Variants in SDHAF3 observed in about 807,000 individuals in gnomAD.
SDHAF3 encodes succinate dehydrogenase complex assembly factor 3.
SDHAF3 carries 18 observed loss-of-function variants against 11.5 expected under a neutral mutation model. The observed-to-expected ratio is 1.56, with a 90% CI of 1.08 to 2.32. The LOEUF (loss-of-function observed/expected upper bound fraction) is 2.32. Among genes scored for constraint, SDHAF3 ranks in the 30% most tolerant of loss-of-function variants. SDHAF3 has a pLI of 0.00. For synonymous variants in SDHAF3, 72 were observed against 59.3 expected, an observed-to-expected ratio of 1.21 and a Z score of -0.99; for missense variants, 200 against 154.4, an observed-to-expected ratio of 1.30 and a Z score of -1.57.
intron 1 of SDHAF3, among the ~76,000 whole-genome samples, chr7:97,164,953 C>G (rs904396171): frequency 2.0e-5 from 3 of 152,082 alleles, no homozygotes; most frequent in Non-Finnish European, 4.4e-5. Flanking sequence ...AATAATGTGT[C>G]ATGGCTGTGA....
intron 1 of SDHAF3, among the ~76,000 whole-genome samples, chr7:97,139,444 G>A (rs1461153080): frequency 1.3e-5 from 2 of 152,170 alleles, no homozygotes; most frequent in Non-Finnish European, 2.9e-5. Context: ...TCAAAAGTAG[G>A]CATGACAGTG....
chr7:97,148,021 A>T (rs1236345868), intron 1 of SDHAF3, among the ~76,000 whole-genome samples: 1 of 151,992 alleles, frequency 6.6e-6, no homozygotes. Flanking sequence ...CTCATACCTC[A>T]GCCTCCCAAG....
chr7:97,156,973 TCCCCCAGC>T (rs1166284821), intron 1 of SDHAF3, among the ~76,000 whole-genome samples: 1 of 152,012 alleles, frequency 6.6e-6, no homozygotes, highest in Non-Finnish European at 1.5e-5. Context: ...CCTCCCCCAG[TCCCCCAGC>T]CCCTGACAGG....
At chr7:97,180,617 T>C (rs1789754217) in intron 1 of SDHAF3, among the ~76,000 whole-genome samples, 1 of 152,130 alleles carries the variant, frequency 6.6e-6, no homozygotes, top group Admixed American at 6.5e-5. Context: ...AAAATAAAAG[T>C]TGGGGGAAAA....
intron 1 of SDHAF3, among the ~76,000 whole-genome samples, chr7:97,158,118 C>T (rs1478142248): frequency 9.8e-6 from 1 of 101,686 alleles, no homozygotes; most frequent in African/African-American, 2.9e-5. Flanking sequence ...CACAGGTTAA[C>T]TTAAAGTATA....
At chr7:97,137,016 ATTTTG>A (rs1328967255) in intron 1 of SDHAF3, among the ~76,000 whole-genome samples, 2 of 151,926 alleles carry the variant, frequency 1.3e-5, no homozygotes, top group East Asian at 1.9e-4. Context: ...AGGGTTTTGT[ATTTTG>A]TTTTGTTTTG....
At chr7:97,145,727 C>T (rs1056780941) in intron 1 of SDHAF3, among the ~76,000 whole-genome samples, 3 of 152,150 alleles carry the variant, frequency 2.0e-5, no homozygotes, top group East Asian at 1.9e-4. Flanking sequence ...CTTCCTTTCC[C>T]TGTCGCTGTC....
chr7:97,142,042 CTTTT>C (rs71131003), intron 1 of SDHAF3, among the ~76,000 whole-genome samples: 170 of 61,642 alleles, frequency 2.8e-3, no homozygotes, highest in East Asian at 0.011. Flanking sequence ...GAATTGTTGT[CTTTT>C]TTTTTTTTTT....
intron 1 of SDHAF3, among the ~76,000 whole-genome samples, chr7:97,170,561 TAG>T (rs2115738185): frequency 6.6e-6 from 1 of 152,316 alleles, no homozygotes; most frequent in African/African-American, 2.4e-5. Flanking sequence ...ATCATGGACA[TAG>T]AGTTTATAGT....
intron 1 of SDHAF3, among the ~76,000 whole-genome samples, chr7:97,157,524 G>A (rs1019503646): frequency 5.3e-5 from 8 of 152,190 alleles, no homozygotes; most frequent in Non-Finnish European, 1.2e-4. Flanking sequence ...TGGTGGGACT[G>A]TAAACTAGTT....
chr7:97,137,307 G>A (rs1408728416), intron 1 of SDHAF3, among the ~76,000 whole-genome samples: 1 of 152,150 alleles, frequency 6.6e-6, no homozygotes, highest in African/African-American at 2.4e-5. Flanking sequence ...GAAATTTCCT[G>A]GAAACTAGGA....
rs1421486044 is a variant in SDHAF3 at position 97,181,063 on chromosome 7, A to G, written c.226A>G (p.Thr76Ala). 1.2e-6 allele frequency: 2 copies of G among 1,613,916 alleles called. No individual in the cohort carries two copies. Among genetic ancestry groups the G allele is most frequent in the Non-Finnish European group, 1.7e-6 (2 of 1,179,972 alleles). The change falls in exon 2 of 2, where the codon ACT (threonine) becomes GCT (alanine). Residue 76 changes from threonine (T) to alanine (A), a missense_variant. Transcript: ENST00000432641. Reference sequence around the variant, plus strand: ...GGCTAACGAAAACAGACAAAATTCAACTGGAAAAGCATGTTTTGGCACCTT... The same window carrying G: ...GGCTAACGAAAACAGACAAAATTCAGCTGGAAAAGCATGTTTTGGCACCTT... The part of the protein sequence containing the change: ...QQANENRQNS[T>A]GKACFGTFLP...
At chr7:97,156,378 A>G (rs1192379758) in intron 1 of SDHAF3, among the ~76,000 whole-genome samples, 1 of 152,156 alleles carries the variant, frequency 6.6e-6, no homozygotes, top group African/African-American at 2.4e-5. Flanking sequence ...CATTATTGCC[A>G]TTGTTTTTAC....
At chr7:97,156,573 A>C (rs976712741) in intron 1 of SDHAF3, among the ~76,000 whole-genome samples, 13 of 152,162 alleles carry the variant, frequency 8.5e-5, no homozygotes, top group African/African-American at 2.9e-4. Flanking sequence ...AAATCCATTT[A>C]ACTGACATAT....
chr7:97,126,431 C>T (rs1397656739), intron 1 of SDHAF3, among the ~76,000 whole-genome samples: 1 of 152,220 alleles, frequency 6.6e-6, no homozygotes, highest in Non-Finnish European at 1.5e-5. Flanking sequence ...CCCCTTCCCC[C>T]AGGTGCTGTG....
At chr7:97,127,002 C>T (rs142155675) in intron 1 of SDHAF3, among the ~76,000 whole-genome samples, 212 of 152,292 alleles carry the variant, frequency 1.4e-3, no homozygotes, top group African/African-American at 4.9e-3. Context: ...GTATCTGGGC[C>T]GGATAGCACA....
intron 1 of SDHAF3, among the ~76,000 whole-genome samples, chr7:97,172,509 T>C (rs1314865812): frequency 6.6e-6 from 1 of 152,200 alleles, no homozygotes; most frequent in Admixed American, 6.5e-5. Flanking sequence ...CTGTTCATTA[T>C]TGGAATCTTA....
In SDHAF3 at chr7:97,174,101, T is replaced by C. The variant is rs185953872; in HGVS notation, c.175-6911T>C. 2.0e-3 allele frequency among the ~76,000 whole-genome samples: 311 copies of C among 152,052 alleles called. 1 individual carries two copies. Among genetic ancestry groups the C allele is most frequent in the Non-Finnish European group, 3.6e-3 (245 of 67,984 alleles). ...CACTGGCTAAGTTTTGTATTTTTAT[T>C]AGAGACAGGGTTTCACCATGTTGGC... On this transcript the variant is annotated intron_variant, in intron 1 of 1. Transcript: ENST00000432641.
intron 1 of SDHAF3, among the ~76,000 whole-genome samples, chr7:97,153,452 GA>G (rs1385050030): frequency 2.2e-4 from 33 of 152,134 alleles, no homozygotes; most frequent in African/African-American, 7.7e-4. Flanking sequence ...TTTACCTACT[GA>G]AGGATATCCT....
Sources: allele counts gnomAD v4.1 joint callset (sites outside exome capture counted in the v4.1 genomes callset), GRCh38; gene constraint gnomAD v4.1.1; transcripts MANE v1.5; gene names NCBI Gene and HGNC (gene_info 2026-07-23, HGNC 2026-07-21).